Variants in CYFIP1 observed in about 807,000 individuals in gnomAD.
CYFIP1 encodes the protein cytoplasmic FMR1 interacting protein 1.
A neutral mutation model predicts 163.5 loss-of-function variants in CYFIP1; 58 were observed. The observed-to-expected ratio is 0.35, with a 90% CI of 0.29 to 0.44. The LOEUF (loss-of-function observed/expected upper bound fraction) is 0.44, where lower values mean the gene tolerates loss of function less well. CYFIP1 is among the 20% of genes least tolerant of loss of function. The pLI is 1.00. For missense variants in CYFIP1, 1,338 were observed against 1,653.8 expected, an observed-to-expected ratio of 0.81 and a Z score of 3.31; for synonymous variants, 663 against 660.7, an observed-to-expected ratio of 1.00 and a Z score of -0.05.
chr15:22,918,807 C>T lies in CYFIP1; in HGVS notation c.1411G>A (p.Val471Met), dbSNP rs375711697. ...LQVLMGRMES[V>M]FNHAIRHTVY... ...GTGTGCCGGATGGCGTGGTTGAACACGCTCTCCATCCTGCCCATCAGCACC... is the reference window on the plus strand; with the variant it reads ...GTGTGCCGGATGGCGTGGTTGAACATGCTCTCCATCCTGCCCATCAGCACC... The change falls in exon 14 of 31, where the codon GTG (valine) becomes ATG (methionine). Residue 471 changes from valine to methionine, a missense_variant. By Grantham distance (21) the Val-to-Met change is conservative (BLOSUM62 1). This residue lies in a region of CYFIP1 where 824 missense variants were observed against 995.7 expected (regional missense o/e 0.83). Transcript: ENST00000617928. The T allele has an allele frequency of 7.4e-5, 120 of 1,612,976 alleles. 1 individual carries two copies. The highest frequency in any genetic ancestry group is 8.7e-5 in the Non-Finnish European group (103 of 1,179,482).
At position 22,932,214 on chromosome 15, in the gene CYFIP1, G is replaced by A. The variant is rs113660307; in HGVS notation, c.1110+9C>T. The A allele has an allele frequency of 4.9e-5, 78 of 1,602,222 alleles. No individual in the cohort carries two copies. Among genetic ancestry groups the A allele is most frequent in the Non-Finnish European group, 6.3e-5 (74 of 1,173,032 alleles). ...GGGTGCCTGTGCAGCTCCAGGTCGCGGGGCGCACCTCGCTGTTGCTGTAGC... is the reference window on the plus strand; with the variant it reads ...GGGTGCCTGTGCAGCTCCAGGTCGCAGGGCGCACCTCGCTGTTGCTGTAGC... On this transcript the variant is annotated intron_variant, in intron 11 of 30. Coordinates refer to ENST00000617928, the MANE Select transcript of CYFIP1 (RefSeq NM_014608.6).
chr15:22,967,156 C>T (rs562622787), intron 1 of CYFIP1, among the ~76,000 whole-genome samples: 1 of 152,304 alleles, frequency 6.6e-6, no homozygotes, highest in East Asian at 1.9e-4. Context: ...GGACACGGGA[C>T]AAGGAGGCAG....
At chr15:22,949,257 C>A (rs552115045) in intron 1 of CYFIP1, among the ~76,000 whole-genome samples, 21 of 122,726 alleles carry the variant, frequency 1.7e-4, no homozygotes, top group African/African-American at 6.4e-4. Flanking sequence ...AGGGCGGGCA[C>A]AATGTGCCTA....
intron 10 of CYFIP1, among the ~76,000 whole-genome samples, chr15:22,933,125 C>T (rs12914992): frequency 3.9e-5 from 6 of 151,994 alleles, no homozygotes; most frequent in African/African-American, 9.7e-5. Flanking sequence ...TGAGCCACCG[C>T]GCCCCACCCT....
At chr15:22,980,060 G>A (rs2063424716) in intron 1 of CYFIP1, among the ~76,000 whole-genome samples, 1 of 151,786 alleles carries the variant, frequency 6.6e-6, no homozygotes, top group Non-Finnish European at 1.5e-5. Flanking sequence ...CAGGGAGTGC[G>A]GGGACCTGGA....
At chr15:22,879,032 A>G (rs1595498164) in intron 26 of CYFIP1, among the ~76,000 whole-genome samples, 1 of 151,832 alleles carries the variant, frequency 6.6e-6, no homozygotes, top group East Asian at 1.9e-4. Context: ...GCTACTTCTG[A>G]GGCGGAGGCA....
chr15:22,942,455 G>A (rs1239381075), intron 6 of CYFIP1, among the ~76,000 whole-genome samples: 6 of 151,966 alleles, frequency 3.9e-5, no homozygotes, highest in East Asian at 3.9e-4. Context: ...ACCAAACGCC[G>A]GTCGGCAGCG....
Position 22,955,553 on chromosome 15 carries a change from C to CCAACCCCTCTCCTGCT in CYFIP1, c.-6-8263_-6-8262insAGCAGGAGAGGGGTTG, listed in dbSNP as rs1555421807. Among the ~76,000 whole-genome samples, 6 of 152,180 alleles carry CCAACCCCTCTCCTGCT rather than the reference C, an allele frequency of 3.9e-5. No individual in the cohort carries two copies. In the East Asian group the frequency reaches 1.2e-3, roughly 29 times the overall value. On this transcript the variant is annotated intron_variant, in intron 1 of 30. Coordinates refer to ENST00000617928, the MANE Select transcript of CYFIP1 (RefSeq NM_014608.6). The stretch of plus-strand genomic sequence containing the variant: ...GAGGCAGGGGAGCAGGGTCAAGGAC[C>CCAACCCCTCTCCTGCT]CTGCTGGCCCCAGCAGAGCCCTGAA...
chr15:22,958,749 G>A (rs767959374), intron 1 of CYFIP1, among the ~76,000 whole-genome samples: 5 of 152,152 alleles, frequency 3.3e-5, no homozygotes, highest in African/African-American at 4.8e-5. Context: ...TCCTGCTCAC[G>A]CTTTCACTGG....
chr15:22,906,397 C>T (rs1288234072), intron 21 of CYFIP1, among the ~76,000 whole-genome samples: 1 of 151,560 alleles, frequency 6.6e-6, no homozygotes, highest in Non-Finnish European at 1.5e-5. Context: ...TGTGAGCCAC[C>T]GTGCCCAGCC....
At position 22,931,222 on chromosome 15, in the gene CYFIP1, G is replaced by C. The variant is rs140587009; in HGVS notation, c.1110+1001C>G. 2.8e-4 allele frequency among the ~76,000 whole-genome samples: 43 copies of C among 152,308 alleles called. 1 individual carries two copies. The highest frequency in any genetic ancestry group is 6.8e-3 in the Middle Eastern group (2 of 294). On this transcript the variant is annotated intron_variant, in intron 11 of 30. Transcript: ENST00000617928. ...AGGGACTAACCAGTTCAGCAAAGCA[G>C]CCTGCGTATATGCCCTAAAACCCGC...
At chr15:22,932,421 G>C in intron 10 of CYFIP1, 81 bp from the exon 11 acceptor site, 1 of 875,988 alleles carries the variant, frequency 1.1e-6, no homozygotes, top group African/African-American at 1.7e-5. Flanking sequence ...ACGCCTGTTT[G>C]GCACCAGAGC....
chr15:22,947,180 G>T lies in CYFIP1; in HGVS notation c.106C>A (p.Leu36Met), dbSNP rs777850597. 1.9e-6 allele frequency: 3 copies of T among 1,613,990 alleles called. No homozygotes were observed. The highest frequency in any genetic ancestry group is 2.5e-6 in the Non-Finnish European group (3 of 1,179,990). Residue 36 changes from leucine to methionine, a missense_variant, in exon 2 of 31, where the codon CTG becomes ATG. By Grantham distance (15) the Leu-to-Met change is conservative (BLOSUM62 2). Coordinates refer to ENST00000617928, the MANE Select transcript of CYFIP1 (RefSeq NM_014608.6). ...QPCIEPPPSS[L>M]LYQPNFNTNF... is the part of the protein sequence containing the mutation. ...TGCTGGGCACCCACCTGGTAGAGCA[G>T]CGAGGATGGCGGGGGCTCGATGCAG... is the stretch of plus-strand genomic sequence containing the variant.
At chr15:22,940,023 C>A (rs1466301424) in intron 6 of CYFIP1, among the ~76,000 whole-genome samples, 1 of 152,158 alleles carries the variant, frequency 6.6e-6, no homozygotes, top group African/African-American at 2.4e-5. Flanking sequence ...GGCCTGCCAC[C>A]AATTTGTAGC....
chr15:22,952,196 C>T (rs1156556991), intron 1 of CYFIP1, among the ~76,000 whole-genome samples: 2 of 152,066 alleles, frequency 1.3e-5, no homozygotes, highest in Non-Finnish European at 2.9e-5. Context: ...AACTCAGAGA[C>T]AGAAAGGAGA....
Position 22,918,793 on chromosome 15 carries a change from G to A in CYFIP1, c.1425C>T (p.Ala475=). ...GTGCGGCATAGACGGTGTGCCGGAT[G>A]GCGTGGTTGAACACGCTCTCCATCC... The part of the protein sequence containing the change: ...MGRMESVFNH[A]IRHTVYAALQ... Residue 475 remains alanine, a synonymous_variant, in exon 14 of 31, where the codon GCC becomes GCT. Transcript: ENST00000617928. The A allele has an allele frequency of 6.2e-7, 1 of 1,613,274 alleles. No homozygotes were observed. The highest frequency in any genetic ancestry group is 1.1e-5 in the South Asian group (1 of 91,050).
chr15:22,911,202 T>C (rs2060777378), intron 18 of CYFIP1, among the ~76,000 whole-genome samples: 2 of 151,940 alleles, frequency 1.3e-5, no homozygotes, highest in South Asian at 2.1e-4. Flanking sequence ...CTAAAGAAAC[T>C]AGCAATAATC....
At chr15:22,891,815 G>A (rs2060091796) in intron 23 of CYFIP1, among the ~76,000 whole-genome samples, 1 of 152,196 alleles carries the variant, frequency 6.6e-6, no homozygotes, top group Non-Finnish European at 1.5e-5. Context: ...AAGAACAGAG[G>A]GTTAGAAAGG....
intron 16 of CYFIP1, among the ~76,000 whole-genome samples, chr15:22,915,717 C>G (rs1347853620): frequency 6.6e-6 from 1 of 152,160 alleles, no homozygotes; most frequent in Non-Finnish European, 1.5e-5. Flanking sequence ...CCACTGTACT[C>G]TAGCCTGGGT....
Sources: allele counts gnomAD v4.1 joint callset (sites outside exome capture counted in the v4.1 genomes callset), GRCh38; gene constraint gnomAD v4.1.1; regional missense constraint gnomAD v4.1.1; transcripts MANE v1.5; gene names NCBI Gene and HGNC (gene_info 2026-07-23, HGNC 2026-07-21).